Variants in RFTN2 observed in about 807,000 individuals in gnomAD.
RFTN2 encodes raftlin-2.
In RFTN2, 34 loss-of-function variants were observed where a neutral mutation model predicts 52.7. The observed-to-expected ratio is 0.64, with a 90% CI of 0.49 to 0.86. RFTN2 has a LOEUF of 0.86. Ranked by LOEUF, RFTN2 falls within the 40% of genes least tolerant of loss-of-function variation. The pLI is 0.00. For missense variants in RFTN2, 536 were observed against 600.1 expected (o/e 0.89, Z 1.12); for synonymous variants, 203 against 217.7 (o/e 0.93, Z 0.59).
intron 7 of RFTN2, among the ~76,000 whole-genome samples, chr2:197,609,343 T>C (rs1468070684): frequency 6.6e-6 from 1 of 152,248 alleles, no homozygotes; most frequent in Non-Finnish European, 1.5e-5. Flanking sequence ...CATGAGATGG[T>C]ATCTCATTAT....
intron 1 of RFTN2, among the ~76,000 whole-genome samples, chr2:197,672,374 A>G (rs1011429900): frequency 2.6e-5 from 4 of 152,224 alleles, no homozygotes; most frequent in Admixed American, 2.0e-4. Context: ...CAGAATAAGA[A>G]AAATGTGTAT....
intron 5 of RFTN2, among the ~76,000 whole-genome samples, chr2:197,624,268 C>A (rs187674160): frequency 1.9e-3 from 293 of 152,176 alleles, no homozygotes; most frequent in Non-Finnish European, 3.5e-3. Context: ...GGTTAAAATG[C>A]CGTCAAACAG....
At chr2:197,620,301 A>G (rs777102204) in intron 5 of RFTN2, among the ~76,000 whole-genome samples, 21 of 152,134 alleles carry the variant, frequency 1.4e-4, no homozygotes, top group Admixed American at 2.6e-4. Context: ...TTTTTCTTGA[A>G]TAGTTGACAA....
At chr2:197,573,721 AC>A (rs1445153909) in intron 8 of RFTN2, among the ~76,000 whole-genome samples, 1 of 152,240 alleles carries the variant, frequency 6.6e-6, no homozygotes, top group Non-Finnish European at 1.5e-5. Flanking sequence ...CCCTCCCATC[AC>A]AAGCCTGGAG....
chr2:197,590,694 G>A (rs902376424), intron 8 of RFTN2, among the ~76,000 whole-genome samples: 1 of 152,230 alleles, frequency 6.6e-6, no homozygotes, highest in Admixed American at 6.5e-5. Context: ...CTTCTGGTGG[G>A]TTCGTGGTCT....
intron 1 of RFTN2, among the ~76,000 whole-genome samples, chr2:197,666,745 C>T (rs2089068406): frequency 6.6e-6 from 1 of 152,100 alleles, no homozygotes; most frequent in African/African-American, 2.4e-5. Context: ...CTTGTTTTGC[C>T]TTCTGAGATT....
At chr2:197,660,292 CTAATT>C (rs1008931964) in intron 1 of RFTN2, among the ~76,000 whole-genome samples, 3 of 151,744 alleles carry the variant, frequency 2.0e-5, no homozygotes, top group African/African-American at 7.3e-5. Flanking sequence ...GAAGGAGTAT[CTAATT>C]TATGTTACTT....
chr2:197,635,401 G>T (rs997544960), intron 3 of RFTN2, among the ~76,000 whole-genome samples: 1 of 152,164 alleles, frequency 6.6e-6, no homozygotes, highest in East Asian at 1.9e-4. Flanking sequence ...AGCATCTGTT[G>T]TTTCCTGACT....
At chr2:197,607,006 T>C (rs1313311957) in intron 7 of RFTN2, among the ~76,000 whole-genome samples, 2 of 152,228 alleles carry the variant, frequency 1.3e-5, no homozygotes, top group Non-Finnish European at 2.9e-5. Flanking sequence ...TTATAAATCA[T>C]GCTGCTATAA....
At chr2:197,620,231 G>A (rs2088239738) in intron 5 of RFTN2, among the ~76,000 whole-genome samples, 1 of 151,810 alleles carries the variant, frequency 6.6e-6, no homozygotes, top group African/African-American at 2.4e-5. Context: ...ACCCTAAACA[G>A]AAGTCATTGT....
chr2:197,629,091 C>G (rs1156333337), intron 5 of RFTN2, among the ~76,000 whole-genome samples: 1 of 152,210 alleles, frequency 6.6e-6, no homozygotes, highest in African/African-American at 2.4e-5. Context: ...CATCCCATTA[C>G]TGCGTATATA....
intron 1 of RFTN2, among the ~76,000 whole-genome samples, chr2:197,657,803 CAAGGAAGGT>C (rs2088914566): frequency 6.6e-6 from 1 of 152,118 alleles, no homozygotes; most frequent in Non-Finnish European, 1.5e-5. Context: ...CATCATCATT[CAAGGAAGGT>C]AAACCCAGGA....
At chr2:197,574,213 A>G (rs1341374752) in intron 8 of RFTN2, among the ~76,000 whole-genome samples, 1 of 152,230 alleles carries the variant, frequency 6.6e-6, no homozygotes, top group Admixed American at 6.5e-5. Context: ...ATGCCAGCCT[A>G]TGAAAGCAGC....
At chr2:197,615,551 C>A (rs1342141656) in intron 7 of RFTN2, among the ~76,000 whole-genome samples, 1 of 151,060 alleles carries the variant, frequency 6.6e-6, no homozygotes, top group Non-Finnish European at 1.5e-5. Flanking sequence ...GTCCATGTGC[C>A]AAGGGGAACT....
chr2:197,624,597 CAAAAAA>C (rs746144794), intron 5 of RFTN2, among the ~76,000 whole-genome samples: 2 of 57,912 alleles, frequency 3.5e-5, no homozygotes, highest in African/African-American at 7.3e-5. Flanking sequence ...GACTCTGTCT[CAAAAAA>C]AAAAAAAAAA....
chr2:197,666,985 G>C (rs1219206251), intron 1 of RFTN2, among the ~76,000 whole-genome samples: 1 of 152,008 alleles, frequency 6.6e-6, no homozygotes, highest in East Asian at 1.9e-4. Flanking sequence ...TTTCTGTTTG[G>C]TTCATTTTTA....
chr2:197,608,118 T>C (rs1439154423), intron 7 of RFTN2, among the ~76,000 whole-genome samples: 2 of 152,148 alleles, frequency 1.3e-5, no homozygotes, highest in Non-Finnish European at 2.9e-5. Flanking sequence ...AACATCTGCT[T>C]TGGCTGCCAC....
chr2:197,628,393 T>G (rs1179895551), intron 5 of RFTN2, among the ~76,000 whole-genome samples: 2 of 152,200 alleles, frequency 1.3e-5, no homozygotes, highest in African/African-American at 4.8e-5. Flanking sequence ...GGAGTCTCCC[T>G]GGGGCTCTCT....
intron 5 of RFTN2, among the ~76,000 whole-genome samples, chr2:197,625,905 T>A (rs2088352200): frequency 6.6e-6 from 1 of 151,556 alleles, no homozygotes; most frequent in Non-Finnish European, 1.5e-5. Flanking sequence ...GATTTTCCTG[T>A]CTCAGCTTCC....
Sources: gnomAD v4.1 joint callset for allele counts (sites outside exome capture counted in the v4.1 genomes callset) on GRCh38, gnomAD v4.1.1 for gene constraint, MANE v1.5 for transcripts, NCBI Gene and HGNC (gene_info 2026-07-23, HGNC 2026-07-21) for gene names.